The following SLC7A5 variants were observed in gnomAD, a reference collection of about 807,000 sequenced individuals.
SLC7A5 encodes the protein large neutral amino acids transporter small subunit 1.
SLC7A5 carries 23 observed loss-of-function variants against 50.2 expected under a neutral mutation model. The observed-to-expected ratio is 0.46, with a 90% CI of 0.33 to 0.65. The LOEUF (loss-of-function observed/expected upper bound fraction) is 0.65, where lower values mean the gene tolerates loss of function less well. SLC7A5 is among the 30% of genes least tolerant of loss of function. The pLI, the probability that SLC7A5 is intolerant of heterozygous loss-of-function variation, is 0.02. For missense variants in SLC7A5, 578 were observed against 684.4 expected (o/e 0.84, Z 1.73); for synonymous variants, 393 against 330.6 (o/e 1.19, Z -2.05).
intron 3 of SLC7A5, 81 bp downstream of exon 3, chr16:87,840,969 T>C: frequency 1.0e-6 from 1 of 976,888 alleles, no homozygotes; most frequent in South Asian, 1.3e-5. Flanking sequence ...TGCCCCTTGA[T>C]GGCTGGGAGA....
At position 87,837,679 on chromosome 16, in the gene SLC7A5, G is replaced by A. The variant is rs1198567772; in HGVS notation, c.1140+166C>T. On this transcript the variant is annotated intron_variant, in intron 7 of 9. Coordinates refer to ENST00000261622, the MANE Select transcript of SLC7A5 (RefSeq NM_003486.7). Reference sequence around the variant, plus strand: ...TATTATTTTTGGAATAAAATCTAAAGCCCCTCCAGCGCTCTCTGGCATTCA... The same window carrying A: ...TATTATTTTTGGAATAAAATCTAAAACCCCTCCAGCGCTCTCTGGCATTCA... The A allele has an allele frequency of 5.0e-6, 3 of 602,758 alleles. No individual in the cohort carries two copies. In the African/African-American group the frequency reaches 5.6e-5, roughly 11 times the overall value. The allele number at this position is 602,758 out of a possible 1,614,324, so 37.3% of individuals were successfully genotyped here. A position where few individuals can be genotyped will look rare whatever the true frequency, so the allele number is the denominator to read the frequency against.
At chr16:87,857,489 G>A (rs2055336178) in intron 1 of SLC7A5, among the ~76,000 whole-genome samples, 1 of 152,212 alleles carries the variant, frequency 6.6e-6, no homozygotes, top group African/African-American at 2.4e-5. Context: ...CACCATGTTG[G>A]CCGGGCTGGT....
At chr16:87,859,169 G>A (rs527439451) in intron 1 of SLC7A5, among the ~76,000 whole-genome samples, 12 of 152,326 alleles carry the variant, frequency 7.9e-5, no homozygotes, top group South Asian at 4.1e-4. Flanking sequence ...GAAGTCAAGC[G>A]CCTGGCTCCG....
intron 5 of SLC7A5, among the ~76,000 whole-genome samples, chr16:87,839,478 A>C (rs911731856): frequency 5.3e-5 from 8 of 151,464 alleles, no homozygotes; most frequent in African/African-American, 1.9e-4. Flanking sequence ...CTCCCCTTTG[A>C]CTCCCCCAGC....
rs1049663995 is a variant in SLC7A5 at position 87,833,703 on chromosome 16, T to C, written c.1469-678A>G. On this transcript the variant is annotated intron_variant, in intron 9 of 9. Transcript: ENST00000261622. The surrounding 1 kb of genome is among the most constrained non-coding windows in gnomAD (Gnocchi z 6.0). ...GAATTCTCCAAGCCACCCAGTGACATGGGGATCAGCATGTAGGCCCGCAAG... is the reference window on the plus strand; with the variant it reads ...GAATTCTCCAAGCCACCCAGTGACACGGGGATCAGCATGTAGGCCCGCAAG... Among the ~76,000 whole-genome samples, 45 of 151,948 alleles carry C rather than the reference T, an allele frequency of 3.0e-4. No individual in the cohort carries two copies. Among genetic ancestry groups the C allele is most frequent in the African/African-American group, 1.0e-3 (43 of 41,400 alleles).
intron 8 of SLC7A5, among the ~76,000 whole-genome samples, chr16:87,836,114 G>A (rs1267468152): frequency 6.6e-6 from 1 of 152,224 alleles, no homozygotes; most frequent in African/African-American, 2.4e-5. Context: ...GCGCTCCTCG[G>A]GCCGGGTTCC....
rs1046655707 is a variant in SLC7A5, at chr16:87,831,202, C to G, written c.*1768G>C. ...CTCGGCCTCCAGACCGTGGGCTGTC[C>G]CTTGGACGAGTGGAATTCGTCCCCA... On this transcript the variant is annotated 3_prime_UTR_variant, in exon 10 of 10. Transcript: ENST00000261622. 2.0e-5 allele frequency: 3 copies of G among 152,320 alleles called. No individual in the cohort carries two copies. Among genetic ancestry groups the G allele is most frequent in the Non-Finnish European group, 2.9e-5 (2 of 68,126 alleles). 9.4% of individuals were successfully genotyped at this position (152,320 alleles called of 1,614,324 possible).
chr16:87,835,897 C>T (rs1240281713), intron 8 of SLC7A5, among the ~76,000 whole-genome samples: 7 of 152,362 alleles, frequency 4.6e-5, no homozygotes, highest in African/African-American at 2.4e-5. Flanking sequence ...AGCTGAGTGA[C>T]AAAAGCTGCT....
At chr16:87,866,697 C>G (rs2055465631) in intron 1 of SLC7A5, among the ~76,000 whole-genome samples, 1 of 152,066 alleles carries the variant, frequency 6.6e-6, no homozygotes, top group African/African-American at 2.4e-5. Flanking sequence ...GAACTCCTGA[C>G]TTCAGGTGAT....
chr16:87,855,514 C>A (rs1362200750), intron 1 of SLC7A5, among the ~76,000 whole-genome samples: 1 of 152,092 alleles, frequency 6.6e-6, no homozygotes, highest in African/African-American at 2.4e-5. Context: ...CTTCTCCTGG[C>A]CCCTGGCCTT....
rs1299861554 is a variant in SLC7A5, at chr16:87,830,277, A to G, written c.*2693T>C. On this transcript the variant is annotated 3_prime_UTR_variant, in exon 10 of 10. Coordinates refer to ENST00000261622, the MANE Select transcript of SLC7A5 (RefSeq NM_003486.7). ...CAGAGCAGCAAGGCTGAGCATGACC[A>G]CTGGAAATAAATAAACATGGTGCCG... 1.3e-5 allele frequency: 2 copies of G among 152,276 alleles called. No homozygotes were observed. Among genetic ancestry groups the G allele is most frequent in the Non-Finnish European group, 2.9e-5 (2 of 68,054 alleles). The allele number at this position is 152,276 out of a possible 1,614,324, so 9.4% of individuals were successfully genotyped here.
At chr16:87,836,365 G>T in intron 8 of SLC7A5, 133 bp downstream of exon 8, 1 of 998,354 alleles carries the variant, frequency 1.0e-6, no homozygotes. Context: ...GGAATTAGTC[G>T]ACCCAGGTGC....
chr16:87,845,418 C>A (rs959935930), intron 2 of SLC7A5, among the ~76,000 whole-genome samples: 3 of 151,990 alleles, frequency 2.0e-5, no homozygotes, highest in Admixed American at 2.0e-4. Context: ...CCATGCCCAC[C>A]CCACAGAGTC....
At chr16:87,857,873 CG>C (rs2143812223) in intron 1 of SLC7A5, among the ~76,000 whole-genome samples, 1 of 152,258 alleles carries the variant, frequency 6.6e-6, no homozygotes, top group South Asian at 2.1e-4. Flanking sequence ...CTGGCTGGCA[CG>C]GGGGAGGAGG....
chr16:87,832,447 A>T lies in SLC7A5; in HGVS notation c.*523T>A, dbSNP rs1388868331. 1.3e-5 allele frequency: 2 copies of T among 151,408 alleles called. No individual in the cohort carries two copies. Among genetic ancestry groups the T allele is most frequent in the Non-Finnish European group, 1.5e-5 (1 of 68,076 alleles). 9.4% of individuals were successfully genotyped at this position (151,408 alleles called of 1,614,324 possible). A position where few individuals can be genotyped will look rare whatever the true frequency, so the allele number is the denominator to read the frequency against. Reference sequence around the variant, plus strand: ...GTTTCCACTCTGCAAACCCTAAGGCAGAGACATAAGCCCACAGGGTTGGTT... The same window carrying T: ...GTTTCCACTCTGCAAACCCTAAGGCTGAGACATAAGCCCACAGGGTTGGTT... On this transcript the variant is annotated 3_prime_UTR_variant, in exon 10 of 10. Transcript: ENST00000261622. This position sits in a 1 kb window ranked among gnomAD's most constrained non-coding sequence, Gnocchi z 4.6.
Position 87,861,571 on chromosome 16 carries a change from G to T in SLC7A5, c.538+7314C>A, listed in dbSNP as rs2055398929. ...GGCTGGAGTGCAAAGTGGTGGCCAA[G>T]AGGTGGCCAAGAGGTGCCAAGAGGT... On this transcript the variant is annotated intron_variant, in intron 1 of 9. Transcript: ENST00000261622. The surrounding 1 kb of genome is among the most constrained non-coding windows in gnomAD (Gnocchi z 4.2). Among the ~76,000 whole-genome samples the T allele has an allele frequency of 1.3e-5, 2 of 152,080 alleles. No homozygotes were observed. Among genetic ancestry groups the T allele is most frequent in the African/African-American group, 4.8e-5 (2 of 41,410 alleles).
At chr16:87,857,948 T>G (rs1382381267) in intron 1 of SLC7A5, among the ~76,000 whole-genome samples, 1 of 152,166 alleles carries the variant, frequency 6.6e-6, no homozygotes, top group African/African-American at 2.4e-5. Context: ...AGATGCAGAT[T>G]TGGCAAGCTC....
At chr16:87,838,291 C>CTTT (rs58144270) in intron 6 of SLC7A5, among the ~76,000 whole-genome samples, 13 of 120,066 alleles carry the variant, frequency 1.1e-4, no homozygotes, top group East Asian at 3.0e-4. Context: ...TTGCTGCTGC[C>CTTT]TTTTTTTTTT....
chr16:87,854,427 C>T (rs943922264), intron 1 of SLC7A5, among the ~76,000 whole-genome samples: 1 of 152,192 alleles, frequency 6.6e-6, no homozygotes, highest in Admixed American at 6.5e-5. Flanking sequence ...TACATGAATT[C>T]ATCTGGGTTC....
Sources: gnomAD v4.1 joint callset for allele counts (sites outside exome capture counted in the v4.1 genomes callset) on GRCh38, gnomAD v4.1.1 for gene constraint, Gnocchi (gnomAD v3.1) non-coding constraint, MANE v1.5 for transcripts, NCBI Gene and HGNC (gene_info 2026-07-23, HGNC 2026-07-21) for gene names.